The following TFEB variants were observed in gnomAD, a reference collection of about 807,000 sequenced individuals.
The protein encoded by TFEB is transcription factor EB, also known as T-cell transcription factor EB.
In TFEB, 12 loss-of-function variants were observed where a neutral mutation model predicts 48.0. The observed-to-expected ratio is 0.25, with a 90% CI of 0.16 to 0.40. The LOEUF is 0.40. Ranked by LOEUF, TFEB falls within the 10% of genes least tolerant of loss-of-function variation. The pLI is 1.00. For synonymous variants in TFEB, 244 were observed against 261.4 expected (o/e 0.93, Z 0.64); for missense variants, 509 against 640.3 (o/e 0.79, Z 2.21).
intron 1 of TFEB, among the ~76,000 whole-genome samples, chr6:41,729,061 C>G (rs916907946): frequency 6.6e-6 from 1 of 152,024 alleles, no homozygotes; most frequent in Admixed American, 6.5e-5. Flanking sequence ...TGAGGACTGG[C>G]GGGCTCAGAC....
Position 41,684,647 on chromosome 6 carries a change from G to A in TFEB, c.1383C>T (p.Ala461=). The A allele has an allele frequency of 6.2e-7, 1 of 1,610,686 alleles. No homozygotes were observed. Among genetic ancestry groups the A allele is most frequent in the Non-Finnish European group, 8.5e-7 (1 of 1,178,600 alleles). The change falls in exon 9 of 9, where the codon GCC becomes GCT. Residue 461 remains alanine (A), a synonymous_variant. Coordinates refer to ENST00000373033, the MANE Select transcript of TFEB (RefSeq NM_001271944.2). ...LSTMSPEASK[A]SSRRSSFSME... ...TGCTGAAGCTGCTCCGGCGGCTGCT[G>A]GCCTTGGAGGCCTCGGGGGACATGG... is the stretch of plus-strand genomic sequence containing the variant.
At position 41,691,422 on chromosome 6, in the gene TFEB, A is replaced by G. The variant is rs578167904; in HGVS notation, c.-22-187T>C. On this transcript the variant is annotated intron_variant, in intron 1 of 8. Transcript: ENST00000373033. The surrounding 1 kb of genome is among the most constrained non-coding windows in gnomAD (Gnocchi z 5.2). ...GGGTGACAGCTGAGACATGAATCCA[A>G]GTTTCCTGGTTCCTGGACCAAAACT... is the stretch of plus-strand genomic sequence containing the variant. 7.6e-5 allele frequency: 56 copies of G among 737,816 alleles called. No individual in the cohort carries two copies. The South Asian group carries it at 8.0e-4, about 11-fold the overall frequency. The allele number at this position is 737,816 out of a possible 1,614,324, so 45.7% of individuals were successfully genotyped here. A position where few individuals can be genotyped will look rare whatever the true frequency, so the allele number is the denominator to read the frequency against.
intron 1 of TFEB, among the ~76,000 whole-genome samples, chr6:41,732,004 G>A (rs1258222806): frequency 6.6e-6 from 1 of 152,154 alleles, no homozygotes; most frequent in African/African-American, 2.4e-5. Context: ...CTCAGACAGG[G>A]GCCTCAGCAA....
At chr6:41,718,792 G>A (rs1230474340) in intron 1 of TFEB, among the ~76,000 whole-genome samples, 1 of 151,982 alleles carries the variant, frequency 6.6e-6, no homozygotes, top group Non-Finnish European at 1.5e-5. Flanking sequence ...TCAAATGCCT[G>A]CAGGGGCCAA....
intron 1 of TFEB, among the ~76,000 whole-genome samples, chr6:41,700,876 AACAGGGGGAGCAGCTTC>A (rs1769883313): frequency 3.3e-5 from 5 of 152,178 alleles, no homozygotes; most frequent in Admixed American, 2.6e-4. Flanking sequence ...GGCCCGGGAC[AACAGGGGGAGCAGCTTC>A]AAAGGCCATT....
At chr6:41,732,823 C>T (rs1771510197) in intron 1 of TFEB, 1 of 985,846 alleles carries the variant, frequency 1.0e-6, no homozygotes, top group African/African-American at 1.7e-5. Flanking sequence ...ACCCTCCGAT[C>T]AGAGGAGGCC....
chr6:41,732,666 C>T (rs1026635338), intron 1 of TFEB: 15 of 985,748 alleles, frequency 1.5e-5, no homozygotes, highest in Middle Eastern at 5.2e-4. Flanking sequence ...CAGGCACTGC[C>T]GCACCCTTAG....
chr6:41,685,118 G>A (rs759915458), intron 8 of TFEB, 40 bp from the exon 9 acceptor site: 280 of 1,394,572 alleles, frequency 2.0e-4, no homozygotes, highest in Non-Finnish European at 2.4e-4. Context: ...ACACACCTAT[G>A]GGCACCAGCC....
intron 1 of TFEB, among the ~76,000 whole-genome samples, chr6:41,695,247 C>T (rs1028404790): frequency 6.6e-6 from 1 of 152,202 alleles, no homozygotes; most frequent in Non-Finnish European, 1.5e-5. Context: ...AACCAGGGAT[C>T]CCGGTCTCCT....
At chr6:41,716,619 T>A (rs1447991649) in intron 1 of TFEB, among the ~76,000 whole-genome samples, 2 of 152,204 alleles carry the variant, frequency 1.3e-5, no homozygotes, top group African/African-American at 2.4e-5. Flanking sequence ...GTCCTTGCTC[T>A]CCTGCCAGAG....
At chr6:41,709,652 A>G (rs1770394861) in intron 1 of TFEB, among the ~76,000 whole-genome samples, 1 of 152,104 alleles carries the variant, frequency 6.6e-6, no homozygotes, top group African/African-American at 2.4e-5. Context: ...ATGGATGGAT[A>G]TAATGGATGA....
chr6:41,697,948 G>A (rs1769695725), intron 1 of TFEB, among the ~76,000 whole-genome samples: 1 of 152,098 alleles, frequency 6.6e-6, no homozygotes, highest in South Asian at 2.1e-4. Flanking sequence ...GACTTCTTTG[G>A]ATGATGTAAC....
intron 1 of TFEB, among the ~76,000 whole-genome samples, chr6:41,719,017 G>A (rs1289936120): frequency 1.3e-5 from 2 of 152,304 alleles, no homozygotes; most frequent in East Asian, 1.9e-4. Context: ...GCAGGTGAGC[G>A]AAGCTTCATC....
chr6:41,705,822 T>C (rs1226749361), intron 1 of TFEB: 4 of 152,258 alleles, frequency 2.6e-5, no homozygotes, highest in Admixed American at 2.0e-4. Flanking sequence ...TGTGATTTCA[T>C]GGGTTCTGGA....
At chr6:41,685,971 C>T (rs1768976002) in intron 8 of TFEB, 119 bp downstream of exon 8, 2 of 1,315,474 alleles carry the variant, frequency 1.5e-6, no homozygotes, top group Non-Finnish European at 2.1e-6. Flanking sequence ...GATACATCCT[C>T]CTTCCTAATG....
intron 1 of TFEB, among the ~76,000 whole-genome samples, chr6:41,698,652 A>G (rs1769737447): frequency 6.6e-6 from 1 of 152,058 alleles, no homozygotes; most frequent in Non-Finnish European, 1.5e-5. Flanking sequence ...AGTCTGTTAC[A>G]CTCTCAGTCG....
rs1581940272 is a variant in TFEB, at chr6:41,730,411, C to A, written c.-23+4939G>T. 6.6e-6 allele frequency among the ~76,000 whole-genome samples: 1 copy of A among 152,192 alleles called. No homozygotes were observed. Among genetic ancestry groups the A allele is most frequent in the Admixed American group, 6.5e-5 (1 of 15,282 alleles). The stretch of plus-strand genomic sequence containing the variant: ...ACAGCACCGCATCTTACTCTGGGAC[C>A]ACTGCTGAATGCATAAGAGCCAACC... On this transcript the variant is annotated intron_variant, in intron 1 of 8. Transcript: ENST00000373033. This position sits in a 1 kb window ranked among gnomAD's most constrained non-coding sequence, Gnocchi z 4.1.
intron 1 of TFEB, among the ~76,000 whole-genome samples, chr6:41,731,969 G>A (rs1163434691): frequency 2.6e-5 from 4 of 152,232 alleles, no homozygotes; most frequent in African/African-American, 9.7e-5. Context: ...CAGCTCAGAA[G>A]AAAGGCCAGG....
rs764312703 is a variant in TFEB at position 41,688,025 on chromosome 6, G to C, written c.553C>G (p.Pro185Ala). 1 of 1,610,302 alleles carries C rather than the reference G, an allele frequency of 6.2e-7. No individual in the cohort carries two copies. Among genetic ancestry groups the C allele is most frequent in the East Asian group, 2.2e-5 (1 of 44,746 alleles). The change falls in exon 5 of 9, where the codon CCC becomes GCC. Residue 185 changes from proline (P) to alanine (A), a missense_variant. Physicochemically the swap from Pro to Ala is conservative, Grantham distance 27. Around this residue, in one of 4 missense-constraint regions of TFEB, gnomAD observed 251 missense variants for 317.2 expected, o/e 0.79. Transcript: ENST00000373033. Reference protein sequence around the residue: ...NPEMQMPNTLPLSSSHLNVYS... With the variant: ...NPEMQMPNTLALSSSHLNVYS... ...ACATTCAGGTGGCTGCTGGACAGGG[G>C]TAGCTGTGGGGTAGGGGGTGAGGGA...
Sources: allele counts gnomAD v4.1 joint callset (sites outside exome capture counted in the v4.1 genomes callset), GRCh38; gene constraint gnomAD v4.1.1; regional missense constraint gnomAD v4.1.1; non-coding constraint Gnocchi (gnomAD v3.1); transcripts MANE v1.5; gene names NCBI Gene and HGNC (gene_info 2026-07-23, HGNC 2026-07-21).